YWHAB: variants seen among roughly 807,000 people sequenced by gnomAD.
The protein encoded by YWHAB is 14-3-3 protein beta/alpha.
A neutral mutation model predicts 28.5 loss-of-function variants in YWHAB; 2 were observed. The ratio of observed to expected loss-of-function variants is 0.07; its 90% CI spans 0.03 to 0.22. The LOEUF is 0.22. Among genes scored for constraint, YWHAB ranks in the 10% least tolerant of loss-of-function variants. The probability of loss-of-function intolerance (pLI) is 1.00; values close to 1 mark genes in which losing one functional copy is unlikely to be tolerated. For missense variants in YWHAB, 148 were observed against 297.1 expected (o/e 0.50, Z 3.69); for synonymous variants, 103 against 104.7 (o/e 0.98, Z 0.10).
chr20:44,905,880 G>A, intron 4 of YWHAB, 121 bp from the exon 5 acceptor site: 1 of 701,862 alleles, frequency 1.4e-6, no homozygotes, highest in South Asian at 1.8e-5. Flanking sequence ...GGTAATAATA[G>A]CCTAGGTTCC....
At position 44,889,524 on chromosome 20, in the gene YWHAB, A is replaced by G. The variant is rs185211094; in HGVS notation, c.-4+3638A>G. On this transcript the variant is annotated intron_variant, in intron 1 of 5. Transcript: ENST00000353703. Reference sequence around the variant, plus strand: ...TATGTAAGTTTTTCCCGTACTGGTTAGTTTATTTTATTGTTTTCCCTAAAA... The same window carrying G: ...TATGTAAGTTTTTCCCGTACTGGTTGGTTTATTTTATTGTTTTCCCTAAAA... Among the ~76,000 whole-genome samples, 826 of 145,902 alleles carry G rather than the reference A, an allele frequency of 5.7e-3. 4 individuals carry two copies. The highest frequency in any genetic ancestry group is 0.02 in the African/African-American group (778 of 39,028).
intron 1 of YWHAB, among the ~76,000 whole-genome samples, chr20:44,897,373 A>G (rs961264875): frequency 6.6e-6 from 1 of 152,202 alleles, no homozygotes; most frequent in African/African-American, 2.4e-5. Flanking sequence ...GTACTGTTCT[A>G]TGAACTTTGA....
At chr20:44,890,607 T>C (rs1198101999) in intron 1 of YWHAB, among the ~76,000 whole-genome samples, 1 of 144,018 alleles carries the variant, frequency 6.9e-6, no homozygotes, top group Non-Finnish European at 1.5e-5. Flanking sequence ...GAAGCCCGGG[T>C]TCAAGCAATT....
chr20:44,904,897 T>C (rs568753987), intron 3 of YWHAB, 71 bp from the exon 4 acceptor site: 2 of 1,449,342 alleles, frequency 1.4e-6, no homozygotes, highest in African/African-American at 1.4e-5. Context: ...AGAAAATAAT[T>C]TGATAGTTGG....
chr20:44,900,321 G>C (rs6031858), intron 1 of YWHAB, among the ~76,000 whole-genome samples: 2 of 151,964 alleles, frequency 1.3e-5, no homozygotes, highest in Non-Finnish European at 2.9e-5. Context: ...ATCCAGCCCT[G>C]GGTAGTGTTC....
In YWHAB at chr20:44,904,115, A is replaced by G. The variant is rs751052357; in HGVS notation, c.423A>G (p.Gln141=). 29 of 1,612,216 alleles carry G rather than the reference A, an allele frequency of 1.8e-5. No individual in the cohort carries two copies. Among genetic ancestry groups the G allele is most frequent in the Admixed American group, 6.7e-5 (4 of 59,662 alleles). ...LSEVASGDNK[Q]TTVSNSQQAY... Reference sequence around the variant, plus strand: ...AAGTGGCATCTGGAGACAACAAACAAAGTAAGTAATATCTTTAAAAAGAAA... The same window carrying G: ...AAGTGGCATCTGGAGACAACAAACAGAGTAAGTAATATCTTTAAAAAGAAA... Residue 141 remains glutamine, a splice_region_variant and synonymous_variant, in exon 3 of 6, where the codon CAA becomes CAG. Coordinates refer to ENST00000353703, the MANE Select transcript of YWHAB (RefSeq NM_139323.4).
chr20:44,897,908 C>T (rs2066605029), intron 1 of YWHAB, among the ~76,000 whole-genome samples: 1 of 152,152 alleles, frequency 6.6e-6, no homozygotes, highest in Non-Finnish European at 1.5e-5. Flanking sequence ...AGGAGTCTTG[C>T]ACTATACAGT....
chr20:44,907,205 A>G lies in YWHAB; in HGVS notation c.*767A>G, dbSNP rs2066663013. 6.6e-6 allele frequency: 1 copy of G among 152,210 alleles called. No individual in the cohort carries two copies. The allele number at this position is 152,210 out of a possible 1,614,324, so 9.4% of individuals were successfully genotyped here. ...TGCTTCAATAGTGGAATCTACTTTCATTGTTAACACTGAGCTAAAGAAAAA... is the reference window on the plus strand; with the variant it reads ...TGCTTCAATAGTGGAATCTACTTTCGTTGTTAACACTGAGCTAAAGAAAAA... On this transcript the variant is annotated 3_prime_UTR_variant, in exon 6 of 6. Coordinates refer to ENST00000353703, the MANE Select transcript of YWHAB (RefSeq NM_139323.4).
chr20:44,903,806 A>C (rs1227900234), intron 2 of YWHAB, 187 bp from the exon 3 acceptor site: 5 of 562,082 alleles, frequency 8.9e-6, no homozygotes, highest in Non-Finnish European at 1.5e-5. Flanking sequence ...GTGATTTTTA[A>C]CAGAAGAATA....
Position 44,902,035 on chromosome 20 carries a change from A to G in YWHAB, c.300+202A>G, listed in dbSNP as rs1322463095. The G allele has an allele frequency of 1.2e-5, 6 of 507,596 alleles. No homozygotes were observed. The East Asian group carries it at 1.9e-4, about 16-fold the overall frequency. 31.4% of individuals were successfully genotyped at this position (507,596 alleles called of 1,614,324 possible). A position where few individuals can be genotyped will look rare whatever the true frequency, so the allele number is the denominator to read the frequency against. On this transcript the variant is annotated intron_variant, in intron 2 of 5. Transcript: ENST00000353703. ...GATCAGAGGTTGTACATCACTTCTG[A>G]GATACTTTCCTCTCCTATCAAAAAG...
intron 2 of YWHAB, chr20:44,903,338 GATA>G (rs1017176488): frequency 6.5e-6 from 1 of 154,640 alleles, no homozygotes; most frequent in African/African-American, 2.4e-5. Flanking sequence ...GAGTCATACA[GATA>G]ATAAGTGGCA....
In YWHAB at chr20:44,906,110, C is replaced by T. The variant is rs771621179; in HGVS notation, c.684+14C>T. The T allele has an allele frequency of 6.3e-7, 1 of 1,589,878 alleles. No individual in the cohort carries two copies. Among genetic ancestry groups the T allele is most frequent in the South Asian group, 1.1e-5 (1 of 90,484 alleles). On this transcript the variant is annotated intron_variant, in intron 5 of 5. Coordinates refer to ENST00000353703, the MANE Select transcript of YWHAB (RefSeq NM_139323.4). ...GACAATCTCACTGTAAGTACTACTTCCACAGGGTTTATAGTCTCTTTCCTA... is the reference window on the plus strand; with the variant it reads ...GACAATCTCACTGTAAGTACTACTTTCACAGGGTTTATAGTCTCTTTCCTA...
intron 2 of YWHAB, 104 bp from the exon 3 acceptor site, chr20:44,903,889 C>T (rs1168992434): frequency 4.4e-6 from 6 of 1,370,582 alleles, no homozygotes; most frequent in Non-Finnish European, 4.9e-6. Flanking sequence ...TTTTTTTAAT[C>T]TTCCAAAAAA....
intron 3 of YWHAB, 62 bp downstream of exon 3, chr20:44,904,178 CT>C: frequency 6.3e-7 from 1 of 1,594,870 alleles, no homozygotes. Context: ...TTCACAGGGA[CT>C]TTTTAACGAT....
chr20:44,890,130 C>T (rs2066551740), intron 1 of YWHAB, among the ~76,000 whole-genome samples: 1 of 152,146 alleles, frequency 6.6e-6, no homozygotes, highest in African/African-American at 2.4e-5. Flanking sequence ...GTTTGGGTTT[C>T]TGTATAGTGA....
rs748243994 is a variant in YWHAB at position 44,905,095 on chromosome 20, A to G, written c.552A>G (p.Leu184=). 1 of 1,613,042 alleles carries G rather than the reference A, an allele frequency of 6.2e-7. No individual in the cohort carries two copies. The highest frequency in any genetic ancestry group is 8.5e-7 in the Non-Finnish European group (1 of 1,179,436). ...LNFSVFYYEI[L]NSPEKACSLA... ...TCTCAGTCTTTTACTATGAGATTCTAAACTCTCCTGAAAAGGCCTGTAGCC... is the reference window on the plus strand; with the variant it reads ...TCTCAGTCTTTTACTATGAGATTCTGAACTCTCCTGAAAAGGCCTGTAGCC... Residue 184 remains leucine, a synonymous_variant, in exon 4 of 6, where the codon CTA becomes CTG. Coordinates refer to ENST00000353703, the MANE Select transcript of YWHAB (RefSeq NM_139323.4).
Position 44,901,543 on chromosome 20 carries a change from G to T in YWHAB, c.10G>T (p.Asp4Tyr). 1 of 1,597,088 alleles carries T rather than the reference G, an allele frequency of 6.3e-7. No individual in the cohort carries two copies. The highest frequency in any genetic ancestry group is 8.6e-7 in the Non-Finnish European group (1 of 1,166,380). Residue 4 changes from aspartate to tyrosine, a missense_variant, in exon 2 of 6, where the codon GAT (aspartate) becomes TAT (tyrosine). Around this residue, in one of 2 missense-constraint regions of YWHAB, gnomAD observed 110 missense variants for 177.9 expected, o/e 0.62. Transcript: ENST00000353703. The stretch of plus-strand genomic sequence containing the variant: ...GCTCTTGTTCTAGGGAATGACAATG[G>T]ATAAAAGTGAGCTGGTACAGAAAGC... MTM[D>Y]KSELVQKAKL...
chr20:44,893,869 G>T (rs944761120), intron 1 of YWHAB, among the ~76,000 whole-genome samples: 2 of 151,706 alleles, frequency 1.3e-5, no homozygotes, highest in African/African-American at 2.4e-5. Flanking sequence ...TAATTTTTTT[G>T]TATTTTTAGT....
chr20:44,902,153 A>G (rs1415145839), intron 2 of YWHAB: 1 of 236,818 alleles, frequency 4.2e-6, no homozygotes, highest in Non-Finnish European at 8.3e-6. Context: ...AGCTACAGAT[A>G]GGCTATTGTG....
Sources: gnomAD v4.1 joint callset for allele counts (sites outside exome capture counted in the v4.1 genomes callset) on GRCh38, gnomAD v4.1.1 for gene constraint, gnomAD v4.1.1 regional missense constraint, MANE v1.5 for transcripts, NCBI Gene and HGNC (gene_info 2026-07-23, HGNC 2026-07-21) for gene names.